The following TLR9 variants were observed in gnomAD, a reference collection of about 807,000 sequenced individuals.
The protein encoded by TLR9 is toll-like receptor 9.
Under a neutral mutation model 24.6 loss-of-function variants are expected in TLR9, and 19 were observed. The observed-to-expected ratio is 0.77, with a 90% CI of 0.54 to 1.13. The LOEUF (loss-of-function observed/expected upper bound fraction) is 1.13. Ranked by LOEUF, TLR9 falls within the 50% of genes most tolerant of loss-of-function variation. TLR9 has a pLI of 0.00. For synonymous variants in TLR9, 579 were observed against 609.8 expected (o/e 0.95, Z 0.74); for missense variants, 1,065 against 1,379.6 (o/e 0.77, Z 3.61).
Position 52,221,641 on chromosome 3 carries a change from C to T in TLR9, c.2675G>A (p.Arg892Gln). 1.2e-6 allele frequency: 2 copies of T among 1,613,880 alleles called. No individual in the cohort carries two copies. Among genetic ancestry groups the T allele is most frequent in the South Asian group, 1.1e-5 (1 of 91,084 alleles). ...AVADWVYNEL[R>Q]GQLEECRGRW... ...CCCACGGCACTCCTCCAGCTGCCCCCGAAGCTCGTTGTACACCCAGTCTGC... is the reference window on the plus strand; with the variant it reads ...CCCACGGCACTCCTCCAGCTGCCCCTGAAGCTCGTTGTACACCCAGTCTGC... The change falls in exon 2 of 2, where the codon CGG (arginine) becomes CAG (glutamine). Residue 892 changes from arginine to glutamine, a missense_variant. Arg to Gln is a conservative substitution (Grantham distance 43). Transcript: ENST00000360658. The surrounding 1 kb of genome is among the most constrained non-coding windows in gnomAD (Gnocchi z 9.9).
rs550218164 is a variant in TLR9 at position 52,223,078 on chromosome 3, G to A, written c.1238C>T (p.Ala413Val). ...GTCCACGTAGCGCAGGCCAGGGAAG[G>A]CCCTGAAGATGCCGAGCTGGGCCTG... ...INQAQLGIFRAFPGLRYVDLS... is the reference protein window; with the variant it reads ...INQAQLGIFRVFPGLRYVDLS... The change falls in exon 2 of 2, where the codon GCC (alanine) becomes GTC (valine). Residue 413 changes from alanine (A) to valine (V), a missense_variant. Physicochemically the swap from Ala to Val is moderately conservative, Grantham distance 64. Coordinates refer to ENST00000360658, the MANE Select transcript of TLR9 (RefSeq NM_017442.4). 2 of 1,610,432 alleles carry A rather than the reference G, an allele frequency of 1.2e-6. No individual in the cohort carries two copies. Among genetic ancestry groups the A allele is most frequent in the East Asian group, 4.5e-5 (2 of 44,824 alleles).
In TLR9 at chr3:52,224,135, G is replaced by A. The variant is rs770637836; in HGVS notation, c.181C>T (p.Pro61Ser). 4 of 1,581,594 alleles carry A rather than the reference G, an allele frequency of 2.5e-6. No individual in the cohort carries two copies. The Admixed American group carries it at 5.2e-5, about 20-fold the overall frequency. Residue 61 changes from proline to serine, a missense_variant, in exon 2 of 2, where the codon CCC (proline) becomes TCC (serine). By Grantham distance (74) the Pro-to-Ser change is moderately conservative. Coordinates refer to ENST00000360658, the MANE Select transcript of TLR9 (RefSeq NM_017442.4). ...KSVPHFSMAA[P>S]RGNVTSLSLS... ...GAAAGGCTGGTGACATTGCCACGGG[G>A]TGCTGCCATGGAGAAGTGGGGCACA...
In TLR9 at chr3:52,222,990, T is replaced by C. The variant is rs1442712821; in HGVS notation, c.1326A>G (p.Gly442=). The C allele has an allele frequency of 6.3e-7, 1 of 1,591,144 alleles. No homozygotes were observed. Among genetic ancestry groups the C allele is most frequent in the East Asian group, 2.2e-5 (1 of 44,630 alleles). Residue 442 remains glycine (G), a synonymous_variant, in exon 2 of 2, where the codon GGA becomes GGG. Transcript: ENST00000360658. ...CAGGCTGCAGCCAGACCTTCTCCCC[T>C]CCATCTGCCTCCCCCATGGTGGCTG... ...ELTATMGEAD[G]GEKVWLQPGD...
rs756459653 is a variant in TLR9, at chr3:52,224,205, G to T, written c.111C>A (p.Leu37=). ...TGCAGTTCACCAGGCCGTGGGGCTGGAGCTCACAGGGTAGGAAGGCAGGCA... is the reference window on the plus strand; with the variant it reads ...TGCAGTTCACCAGGCCGTGGGGCTGTAGCTCACAGGGTAGGAAGGCAGGCA... ...GTLPAFLPCE[L]QPHGLVNCNW... The change falls in exon 2 of 2, where the codon CTC becomes CTA. Residue 37 remains leucine, a synonymous_variant. Coordinates refer to ENST00000360658, the MANE Select transcript of TLR9 (RefSeq NM_017442.4). 6.2e-7 allele frequency: 1 copy of T among 1,612,130 alleles called. No homozygotes were observed. The highest frequency in any genetic ancestry group is 1.7e-5 in the Admixed American group (1 of 59,786).
chr3:52,222,272 G>A lies in TLR9; in HGVS notation c.2044C>T (p.Leu682Phe), dbSNP rs757774232. The A allele has an allele frequency of 6.8e-6, 11 of 1,614,220 alleles. No homozygotes were observed. Among genetic ancestry groups the A allele is most frequent in the Non-Finnish European group, 9.3e-6 (11 of 1,180,048 alleles). Residue 682 changes from leucine (L) to phenylalanine (F), a missense_variant, in exon 2 of 2, where the codon CTC (leucine) becomes TTC (phenylalanine). Leu to Phe is a conservative substitution (Grantham distance 22). Coordinates refer to ENST00000360658, the MANE Select transcript of TLR9 (RefSeq NM_017442.4). ...TTCAGCTGGTTTCCTGCCAGGTCGA[G>A]GACTTCCAGTTTGGGCAGGAAGTGG... ...SLHFLPKLEV[L>F]DLAGNQLKAL...
In TLR9 at chr3:52,221,089, G is replaced by A. The variant is rs202155131; in HGVS notation, c.*128C>T. The A allele has an allele frequency of 9.8e-5, 82 of 839,242 alleles. No homozygotes were observed. Among genetic ancestry groups the A allele is most frequent in the Non-Finnish European group, 1.4e-4 (80 of 557,788 alleles). The allele number at this position is 839,242 out of a possible 1,614,324, so 52.0% of individuals were successfully genotyped here. A position where few individuals can be genotyped will look rare whatever the true frequency, so the allele number is the denominator to read the frequency against. ...CTCAGAGTTAGCCATCTAGCCTTCG[G>A]TAGCATTTATTGAGTGCCTGCTCTG... On this transcript the variant is annotated 3_prime_UTR_variant, in exon 2 of 2. Transcript: ENST00000360658. The surrounding 1 kb of genome is among the most constrained non-coding windows in gnomAD (Gnocchi z 9.9).
chr3:52,222,499 C>G lies in TLR9; in HGVS notation c.1817G>C (p.Ser606Thr). Residue 606 changes from serine to threonine, a missense_variant, in exon 2 of 2, where the codon AGC (serine) becomes ACC (threonine). Transcript: ENST00000360658. ...CCACATATGGCCCAGTGCATTGCCG[C>G]TGAAGTCCAGGGCCCGCAGCGACGT... ...CSTSLRALDF[S>T]GNALGHMWAE... The G allele has an allele frequency of 1.1e-5, 18 of 1,614,228 alleles. No homozygotes were observed. The highest frequency in any genetic ancestry group is 1.5e-5 in the Non-Finnish European group (18 of 1,180,044).
Position 52,221,090 on chromosome 3 carries a change from T to G in TLR9, c.*127A>C. Reference sequence around the variant, plus strand: ...TCAGAGTTAGCCATCTAGCCTTCGGTAGCATTTATTGAGTGCCTGCTCTGT... The same window carrying G: ...TCAGAGTTAGCCATCTAGCCTTCGGGAGCATTTATTGAGTGCCTGCTCTGT... On this transcript the variant is annotated 3_prime_UTR_variant, in exon 2 of 2. Transcript: ENST00000360658. This position sits in a 1 kb window ranked among gnomAD's most constrained non-coding sequence, Gnocchi z 9.9. The G allele has an allele frequency of 1.2e-6, 1 of 828,400 alleles. No homozygotes were observed. The highest frequency in any genetic ancestry group is 1.8e-6 in the Non-Finnish European group (1 of 549,180). 51.3% of individuals were successfully genotyped at this position (828,400 alleles called of 1,614,324 possible). A position where few individuals can be genotyped will look rare whatever the true frequency, so the allele number is the denominator to read the frequency against.
At chr3:52,225,362 A>G (rs1321643425) in intron 1 of TLR9, among the ~76,000 whole-genome samples, 165 bp downstream of exon 1, 1 of 152,010 alleles carries the variant, frequency 6.6e-6, no homozygotes, top group Non-Finnish European at 1.5e-5. Context: ...AAAAAAAGAA[A>G]AAAGAAGAGG....
Position 52,221,577 on chromosome 3 carries a change from C to T in TLR9, c.2739G>A (p.Trp913Ter). The change falls in exon 2 of 2, where the codon TGG becomes TGA. Residue 913 changes from tryptophan to a stop codon, truncating the protein, a stop_gained. Transcript: ENST00000360658. LOFTEE classifies it high-confidence loss of function. The surrounding 1 kb of genome is among the most constrained non-coding windows in gnomAD (Gnocchi z 9.9). ...TCTCAAAGAGGGTTTTGCCAGGCAG[C>T]CAGTCGCGTTCCTCCAGGCACAGGC... is the stretch of plus-strand genomic sequence containing the variant. ...ALRLCLEERD[W>*]LPGKTLFENL... is the part of the protein sequence containing the mutation. The T allele has an allele frequency of 1.2e-6, 2 of 1,612,956 alleles. No individual in the cohort carries two copies. Among genetic ancestry groups the T allele is most frequent in the Non-Finnish European group, 1.7e-6 (2 of 1,179,748 alleles).
rs770483581 is a variant in TLR9, at chr3:52,222,850, G to A, written c.1466C>T (p.Pro489Leu). The A allele has an allele frequency of 3.7e-6, 6 of 1,612,232 alleles. No individual in the cohort carries two copies. The highest frequency in any genetic ancestry group is 4.2e-6 in the Non-Finnish European group (5 of 1,178,424). The change falls in exon 2 of 2, where the codon CCG becomes CTG. Residue 489 changes from proline to leucine, a missense_variant. By Grantham distance (98) the Pro-to-Leu change is moderately conservative. Transcript: ENST00000360658. ...GTGCGAGAGCTGGGCAAACATCTCC[G>A]GCTGCACGGTCACCAGGTTGTTCCG... ...LSRNNLVTVQPEMFAQLSHLQ... is the reference protein window; with the variant it reads ...LSRNNLVTVQLEMFAQLSHLQ...
chr3:52,225,116 G>C (rs146187549), intron 1 of TLR9, among the ~76,000 whole-genome samples: 1 of 152,340 alleles, frequency 6.6e-6, no homozygotes, highest in East Asian at 1.9e-4. Flanking sequence ...AAGCCGAAGT[G>C]GGCAGATCAC....
chr3:52,224,655 G>A lies in TLR9; in HGVS notation c.4-343C>T, dbSNP rs181530124. Among the ~76,000 whole-genome samples, 8 of 152,242 alleles carry A rather than the reference G, an allele frequency of 5.3e-5. No individual in the cohort carries two copies. The East Asian group carries it at 1.5e-3, about 29-fold the overall frequency. ...GGTCTCTCCCCGACTTTCCCTTCCT[G>A]CTCCTGAGCAAGGTGGCAGCTGGCT... On this transcript the variant is annotated intron_variant, in intron 1 of 1. Coordinates refer to ENST00000360658, the MANE Select transcript of TLR9 (RefSeq NM_017442.4).
rs1340264211 is a variant in TLR9, at chr3:52,223,905, A to G, written c.411T>C (p.Thr137=). 4 of 1,601,992 alleles carry G rather than the reference A, an allele frequency of 2.5e-6. No homozygotes were observed. The highest frequency in any genetic ancestry group is 3.4e-6 in the Non-Finnish European group (4 of 1,172,586). The change falls in exon 2 of 2, where the codon ACT becomes ACC. Residue 137 remains threonine (T), a synonymous_variant. Coordinates refer to ENST00000360658, the MANE Select transcript of TLR9 (RefSeq NM_017442.4). ...TGAGGGATTTGGGCAGCGCAGGCAC[A>G]GTCATGATGTTGTTGTAGCTCAGGT... The part of the protein sequence containing the change: ...ELNLSYNNIM[T]VPALPKSLIS...
At chr3:52,225,433 C>T (rs1194662682) in intron 1 of TLR9, 94 bp downstream of exon 1, 1 of 1,544,294 alleles carries the variant, frequency 6.5e-7, no homozygotes, top group Non-Finnish European at 8.9e-7. Context: ...GGGTGACAAC[C>T]CGTCACTGTT....
chr3:52,222,860 T>C lies in TLR9; in HGVS notation c.1456A>G (p.Thr486Ala), dbSNP rs750002586. 71 of 1,610,766 alleles carry C rather than the reference T, an allele frequency of 4.4e-5. No homozygotes were observed. In the East Asian group the frequency reaches 1.6e-3, roughly 36 times the overall value. The change falls in exon 2 of 2, where the codon ACC becomes GCC. Residue 486 changes from threonine (T) to alanine (A), a missense_variant. Thr to Ala is a moderately conservative substitution (Grantham distance 58, BLOSUM62 0). Transcript: ENST00000360658. ...TGGGCAAACATCTCCGGCTGCACGG[T>C]CACCAGGTTGTTCCGTGACAGATCC... ...TLDLSRNNLV[T>A]VQPEMFAQLS...
In TLR9 at chr3:52,223,541, C is replaced by T. The variant is rs1421960438; in HGVS notation, c.775G>A (p.Asp259Asn). Reference protein sequence around the residue: ...LDVGGNCRRCDHAPNPCMECP... With the variant: ...LDVGGNCRRCNHAPNPCMECP... ...TCCATGCAGGGGTTGGGAGCGTGGTCGCAGCGGCGGCAATTTCCGCCCACA... is the reference window on the plus strand; with the variant it reads ...TCCATGCAGGGGTTGGGAGCGTGGTTGCAGCGGCGGCAATTTCCGCCCACA... The change falls in exon 2 of 2, where the codon GAC becomes AAC. Residue 259 changes from aspartate (D) to asparagine (N), a missense_variant. Physicochemically the swap from Asp to Asn is conservative, Grantham distance 23. Transcript: ENST00000360658. 12 of 1,535,746 alleles carry T rather than the reference C, an allele frequency of 7.8e-6. No homozygotes were observed. The highest frequency in any genetic ancestry group is 1.4e-5 in the African/African-American group (1 of 72,692).
Position 52,224,126 on chromosome 3 carries a change from T to C in TLR9, c.190A>G (p.Asn64Asp), listed in dbSNP as rs1464508419. 1 of 1,573,708 alleles carries C rather than the reference T, an allele frequency of 6.4e-7. No individual in the cohort carries two copies. The highest frequency in any genetic ancestry group is 1.2e-5 in the South Asian group (1 of 86,108). ...GAGGACAAGGAAAGGCTGGTGACATTGCCACGGGGTGCTGCCATGGAGAAG... is the reference window on the plus strand; with the variant it reads ...GAGGACAAGGAAAGGCTGGTGACATCGCCACGGGGTGCTGCCATGGAGAAG... ...PHFSMAAPRGNVTSLSLSSNR... is the reference protein window; with the variant it reads ...PHFSMAAPRGDVTSLSLSSNR... Residue 64 changes from asparagine to aspartate, a missense_variant, in exon 2 of 2, where the codon AAT (asparagine) becomes GAT (aspartate). Coordinates refer to ENST00000360658, the MANE Select transcript of TLR9 (RefSeq NM_017442.4).
At position 52,223,898 on chromosome 3, in the gene TLR9, C is replaced by A; in HGVS notation, c.418G>T (p.Ala140Ser). 1.2e-6 allele frequency: 2 copies of A among 1,607,728 alleles called. No individual in the cohort carries two copies. Among genetic ancestry groups the A allele is most frequent in the South Asian group, 1.1e-5 (1 of 90,328 alleles). Residue 140 changes from alanine (A) to serine (S), a missense_variant, in exon 2 of 2, where the codon GCG becomes TCG. Coordinates refer to ENST00000360658, the MANE Select transcript of TLR9 (RefSeq NM_017442.4). ...LSYNNIMTVP[A>S]LPKSLISLSL... Reference sequence around the variant, plus strand: ...AGGGATATGAGGGATTTGGGCAGCGCAGGCACAGTCATGATGTTGTTGTAG... The same window carrying A: ...AGGGATATGAGGGATTTGGGCAGCGAAGGCACAGTCATGATGTTGTTGTAG...
Sources: gnomAD v4.1 joint callset for allele counts (sites outside exome capture counted in the v4.1 genomes callset) on GRCh38, gnomAD v4.1.1 for gene constraint, Gnocchi (gnomAD v3.1) non-coding constraint, MANE v1.5 for transcripts, NCBI Gene and HGNC (gene_info 2026-07-23, HGNC 2026-07-21) for gene names.